CLDN14: variants seen among roughly 807,000 people sequenced by gnomAD.
The protein encoded by CLDN14 is claudin-14.
In CLDN14, 2 loss-of-function variants were observed where a neutral mutation model predicts 2.1. The observed-to-expected ratio is 0.96, with a 90% CI of 0.39 to 3.01. CLDN14 has a LOEUF of 3.01. CLDN14 is among the 30% of genes most tolerant of loss of function. The pLI is 0.09. For missense variants in CLDN14, 298 were observed against 328.0 expected (o/e 0.91, Z 0.71); for synonymous variants, 136 against 154.4 (o/e 0.88, Z 0.88).
At chr21:36,522,615 C>CG (rs1304503847) in intron 1 of CLDN14, among the ~76,000 whole-genome samples, 1 of 152,234 alleles carries the variant, frequency 6.6e-6, no homozygotes, top group African/African-American at 2.4e-5. Context: ...TGCAGATGCG[C>CG]GGGGGAGGTA....
chr21:36,561,929 C>T (rs2087638602), intron 1 of CLDN14, among the ~76,000 whole-genome samples: 1 of 115,618 alleles, frequency 8.6e-6, no homozygotes, highest in Non-Finnish European at 2.0e-5. Context: ...TTGAAGGAAC[C>T]CTTTCTCTCA....
chr21:36,466,596 C>T (rs2086649106), intron 1 of CLDN14, among the ~76,000 whole-genome samples: 2 of 152,186 alleles, frequency 1.3e-5, no homozygotes, highest in South Asian at 4.1e-4. Flanking sequence ...CTCCCCACGA[C>T]ACGTGGGGAT....
chr21:36,554,544 C>T (rs560592605), intron 1 of CLDN14, among the ~76,000 whole-genome samples: 7 of 152,272 alleles, frequency 4.6e-5, no homozygotes, highest in Middle Eastern at 6.8e-3. Context: ...CCACAACATT[C>T]GTGCAAGATG....
At chr21:36,469,088 G>A (rs2086680498) in intron 1 of CLDN14, among the ~76,000 whole-genome samples, 1 of 152,112 alleles carries the variant, frequency 6.6e-6, no homozygotes, top group African/African-American at 2.4e-5. Flanking sequence ...GGGCATCTTG[G>A]ACACTGTGTT....
intron 1 of CLDN14, among the ~76,000 whole-genome samples, chr21:36,547,928 G>C (rs1221874864): frequency 6.6e-6 from 1 of 152,224 alleles, no homozygotes; most frequent in African/African-American, 2.4e-5. Flanking sequence ...GAAAGGCCCA[G>C]CGAACACATC....
chr21:36,511,210 G>A (rs1023764434), intron 1 of CLDN14, among the ~76,000 whole-genome samples: 1 of 152,330 alleles, frequency 6.6e-6, no homozygotes, highest in South Asian at 2.1e-4. Context: ...TTCCCAGAGG[G>A]AAATGTTTGT....
At chr21:36,574,205 C>T (rs1208446286) in intron 1 of CLDN14, among the ~76,000 whole-genome samples, 2 of 152,138 alleles carry the variant, frequency 1.3e-5, no homozygotes, top group Non-Finnish European at 2.9e-5. Flanking sequence ...TAAAGACGGA[C>T]ATGCAAATCA....
chr21:36,495,578 G>A (rs1436161014), intron 2 of CLDN14, among the ~76,000 whole-genome samples: 4 of 152,212 alleles, frequency 2.6e-5, no homozygotes, highest in Admixed American at 2.6e-4. Flanking sequence ...ATGCACATTC[G>A]ATCAATGCAG....
intron 1 of CLDN14, among the ~76,000 whole-genome samples, chr21:36,476,960 G>A (rs1242909544): frequency 6.6e-6 from 1 of 152,246 alleles, no homozygotes; most frequent in African/African-American, 2.4e-5. Flanking sequence ...TGCATGGCAG[G>A]TGTGGCTTAG....
chr21:36,475,987 T>C (rs1333196655), intron 1 of CLDN14, among the ~76,000 whole-genome samples: 1 of 152,262 alleles, frequency 6.6e-6, no homozygotes, highest in African/African-American at 2.4e-5. Context: ...ATGTAACTTT[T>C]AAAGGTCCTA....
At chr21:36,538,954 C>T (rs898921868) in intron 1 of CLDN14, among the ~76,000 whole-genome samples, 1 of 152,218 alleles carries the variant, frequency 6.6e-6, no homozygotes, top group African/African-American at 2.4e-5. Context: ...CTGCCCGGCA[C>T]ACCCACACAC....
intron 1 of CLDN14, among the ~76,000 whole-genome samples, chr21:36,472,534 A>C (rs988918560): frequency 3.3e-5 from 5 of 152,212 alleles, no homozygotes; most frequent in Non-Finnish European, 7.3e-5. Context: ...GACAAGGTTA[A>C]CATTGAAAGC....
At chr21:36,564,697 AG>A (rs1242095497) in intron 1 of CLDN14, among the ~76,000 whole-genome samples, 6 of 152,224 alleles carry the variant, frequency 3.9e-5, no homozygotes, top group Non-Finnish European at 8.8e-5. Context: ...GTTACATGCA[AG>A]GGCAGTGAAG....
chr21:36,463,914 A>G (rs1260872797), intron 1 of CLDN14, among the ~76,000 whole-genome samples: 1 of 152,226 alleles, frequency 6.6e-6, no homozygotes, highest in East Asian at 1.9e-4. Flanking sequence ...GTGAATGAAC[A>G]AACAAAAATA....
At chr21:36,511,982 G>A (rs1005623543) in intron 1 of CLDN14, among the ~76,000 whole-genome samples, 1 of 152,172 alleles carries the variant, frequency 6.6e-6, no homozygotes, top group African/African-American at 2.4e-5. Context: ...AGGCATGTGG[G>A]TAACTGTTCC....
intron 1 of CLDN14, among the ~76,000 whole-genome samples, chr21:36,478,611 A>G (rs376020833): frequency 6.4e-4 from 97 of 152,330 alleles, no homozygotes; most frequent in African/African-American, 2.2e-3. Flanking sequence ...ATCTTTTCAC[A>G]GCAGACCTGG....
intron 2 of CLDN14, among the ~76,000 whole-genome samples, chr21:36,502,325 T>A (rs1219998274): frequency 6.6e-6 from 1 of 152,200 alleles, no homozygotes; most frequent in African/African-American, 2.4e-5. Context: ...TGAAATACTA[T>A]TCTTATGCCT....
intron 1 of CLDN14, among the ~76,000 whole-genome samples, chr21:36,462,246 C>T (rs1034712415): frequency 2.0e-4 from 31 of 152,150 alleles, no homozygotes; most frequent in Admixed American, 1.3e-4. Flanking sequence ...CCCACGTGCT[C>T]GGGCAGGGAG....
intron 1 of CLDN14, among the ~76,000 whole-genome samples, chr21:36,570,442 A>C (rs1056653400): frequency 1.3e-5 from 2 of 152,178 alleles, no homozygotes; most frequent in Admixed American, 6.5e-5. Flanking sequence ...TGACTTTGGG[A>C]TGCCCTTGCC....
Sources: gnomAD v4.1 joint callset for allele counts (sites outside exome capture counted in the v4.1 genomes callset) on GRCh38, gnomAD v4.1.1 for gene constraint, MANE v1.5 for transcripts, NCBI Gene and HGNC (gene_info 2026-07-23, HGNC 2026-07-21) for gene names.